The following MAD1L1 variants were observed in gnomAD, a reference collection of about 807,000 sequenced individuals.
MAD1L1 encodes mitotic arrest deficient 1 like 1, also known as mitotic spindle assembly checkpoint protein MAD1.
In MAD1L1, 95 loss-of-function variants were observed where a neutral mutation model predicts 96.9. The ratio of observed to expected loss-of-function variants is 0.98; its 90% CI spans 0.83 to 1.16. The LOEUF is 1.16. MAD1L1 is among the 50% of genes most tolerant of loss of function. MAD1L1 has a pLI of 0.00. For synonymous variants in MAD1L1, 473 were observed against 396.6 expected (o/e 1.19, Z -2.29); for missense variants, 1,007 against 954.4 (o/e 1.06, Z -0.73).
chr7:1,855,466 G>T (rs949787238), intron 18 of MAD1L1, among the ~76,000 whole-genome samples: 1 of 151,948 alleles, frequency 6.6e-6, no homozygotes. Flanking sequence ...GCACCTCAAC[G>T]CCTGGCCTGG....
rs74896228 is a variant in MAD1L1 at position 2,196,879 on chromosome 7, C to T, written c.986+16333G>A. ...GCTCTCAACTGACAACAGGAAACAC[C>T]GCCCACCCTCCCCACACTTCGGGGC... On this transcript the variant is annotated intron_variant, in intron 10 of 18. Coordinates refer to ENST00000265854, the MANE Select transcript of MAD1L1 (RefSeq NM_001013836.2). 8.9e-3 allele frequency among the ~76,000 whole-genome samples: 1,360 copies of T among 152,322 alleles called. 20 individuals carry two copies. The highest frequency in any genetic ancestry group is 0.031 in the African/African-American group (1,274 of 41,582).
rs776910007 is a variant in MAD1L1 at position 2,230,027 on chromosome 7, G to A, written c.107C>T (p.Ser36Leu). Residue 36 changes from serine to leucine, a missense_variant, in exon 3 of 19, where the codon TCG becomes TTG. Ser to Leu is a moderately radical substitution (Grantham distance 145, BLOSUM62 -2). Coordinates refer to ENST00000265854, the MANE Select transcript of MAD1L1 (RefSeq NM_001013836.2). ...EGGSGLDIST[S>L]APGSLQMQYQ... ...CTGCATCTGCAGAGAACCTGGGGCC[G>A]AGGTAGAAATATCCAGTCCAGAGCC... 28 of 1,613,588 alleles carry A rather than the reference G, an allele frequency of 1.7e-5. No individual in the cohort carries two copies. Among genetic ancestry groups the A allele is most frequent in the Middle Eastern group, 1.7e-4 (1 of 5,808 alleles).
At chr7:1,926,084 G>C (rs1008764061) in intron 17 of MAD1L1, among the ~76,000 whole-genome samples, 5 of 152,076 alleles carry the variant, frequency 3.3e-5, no homozygotes, top group Non-Finnish European at 5.9e-5. Flanking sequence ...GTACCGCTAC[G>C]AACCCAGCAG....
At chr7:1,853,365 A>G (rs933982337) in intron 18 of MAD1L1, among the ~76,000 whole-genome samples, 2 of 152,122 alleles carry the variant, frequency 1.3e-5, no homozygotes, top group Non-Finnish European at 2.9e-5. Context: ...GTCCCTCTGG[A>G]AAGAGCGGAG....
chr7:1,873,918 G>A (rs529088143), intron 18 of MAD1L1, among the ~76,000 whole-genome samples: 1 of 152,296 alleles, frequency 6.6e-6, no homozygotes, highest in Non-Finnish European at 1.5e-5. Context: ...GCACCAGGGA[G>A]GAAGCGTGGA....
At chr7:1,851,195 C>A (rs770177134) in intron 18 of MAD1L1, among the ~76,000 whole-genome samples, 47 of 152,132 alleles carry the variant, frequency 3.1e-4, no homozygotes, top group African/African-American at 1.1e-3. Context: ...CAGACCAGAG[C>A]GGGCGGCAGG....
At chr7:2,105,229 G>A (rs1321440387) in intron 11 of MAD1L1, among the ~76,000 whole-genome samples, 3 of 152,136 alleles carry the variant, frequency 2.0e-5, no homozygotes, top group East Asian at 3.9e-4. Context: ...ACAAGGGGTT[G>A]GTTACTAACA....
intron 11 of MAD1L1, chr7:2,109,430 G>A (rs568959034): frequency 6.6e-6 from 1 of 152,216 alleles, no homozygotes; most frequent in African/African-American, 2.4e-5. Flanking sequence ...GGACACTCAA[G>A]AGTGGGGCCC....
intron 17 of MAD1L1, among the ~76,000 whole-genome samples, chr7:1,910,026 T>C (rs1355122140): frequency 6.6e-6 from 1 of 152,186 alleles, no homozygotes; most frequent in Admixed American, 6.5e-5. Context: ...CTTGTCACCT[T>C]GCACAAAACT....
chr7:1,842,894 G>A lies in MAD1L1; in HGVS notation c.1999-26666C>T, dbSNP rs141074159. Among the ~76,000 whole-genome samples, 189 of 152,374 alleles carry A rather than the reference G, an allele frequency of 1.2e-3. 3 individuals are homozygous for A. The highest frequency in any genetic ancestry group is 4.2e-3 in the African/African-American group (174 of 41,592). ...ACGGGCTGCCTTGCGGCTGGTTCCC[G>A]GATGGGGAGGGTACACTGCCTGGAG... is the stretch of plus-strand genomic sequence containing the variant. On this transcript the variant is annotated intron_variant, in intron 18 of 18. Transcript: ENST00000265854.
At chr7:2,180,670 G>A (rs79172705) in intron 10 of MAD1L1, among the ~76,000 whole-genome samples, 2,715 of 152,278 alleles carry the variant, frequency 0.018, 39 homozygotes, top group Non-Finnish European at 0.028. Context: ...AATAATTGTT[G>A]TCAGATTGTT....
At chr7:1,935,946 T>TC (rs1161016051) in intron 17 of MAD1L1, among the ~76,000 whole-genome samples, 1 of 151,864 alleles carries the variant, frequency 6.6e-6, no homozygotes, top group African/African-American at 2.4e-5. Flanking sequence ...CTCCCCCAGG[T>TC]CCCCCCAGAA....
At chr7:2,009,347 G>A (rs1439477026) in intron 13 of MAD1L1, among the ~76,000 whole-genome samples, 1 of 152,188 alleles carries the variant, frequency 6.6e-6, no homozygotes, top group Non-Finnish European at 1.5e-5. Context: ...GGACCAGAGG[G>A]CACCAGGCAC....
chr7:2,001,060 C>T (rs1781769466), intron 14 of MAD1L1, among the ~76,000 whole-genome samples: 1 of 152,266 alleles, frequency 6.6e-6, no homozygotes, highest in Non-Finnish European at 1.5e-5. Context: ...AGCCCCAGAG[C>T]CTGTCAAGCA....
At chr7:2,112,560 G>A (rs140183755) in intron 11 of MAD1L1, among the ~76,000 whole-genome samples, 1 of 152,342 alleles carries the variant, frequency 6.6e-6, no homozygotes, top group East Asian at 1.9e-4. Context: ...CTGTGCGCAC[G>A]TGAGGACTGG....
At chr7:2,126,236 C>A (rs921638501) in intron 11 of MAD1L1, among the ~76,000 whole-genome samples, 1 of 152,198 alleles carries the variant, frequency 6.6e-6, no homozygotes. Flanking sequence ...AGGCTCAGTG[C>A]GCGGCCCATG....
At chr7:1,954,048 G>C (rs534908605) in intron 16 of MAD1L1, among the ~76,000 whole-genome samples, 1 of 152,112 alleles carries the variant, frequency 6.6e-6, no homozygotes, top group Non-Finnish European at 1.5e-5. Flanking sequence ...CGTAGCCTGT[G>C]AGCCCCGACC....
chr7:1,852,006 T>TG (rs1337976128), intron 18 of MAD1L1, among the ~76,000 whole-genome samples: 2 of 152,090 alleles, frequency 1.3e-5, no homozygotes, highest in Non-Finnish European at 2.9e-5. Context: ...CGAGAGGGGC[T>TG]GGGAACCTTC....
intron 12 of MAD1L1, among the ~76,000 whole-genome samples, chr7:2,030,568 G>A (rs901004559): frequency 3.9e-5 from 6 of 152,204 alleles, no homozygotes; most frequent in Admixed American, 6.5e-5. Context: ...AAGCCAGGGC[G>A]CCAGTGACAG....
Sources: gnomAD v4.1 joint callset for allele counts (sites outside exome capture counted in the v4.1 genomes callset) on GRCh38, gnomAD v4.1.1 for gene constraint, MANE v1.5 for transcripts, NCBI Gene and HGNC (gene_info 2026-07-23, HGNC 2026-07-21) for gene names.